The following RBL1 variants were observed in gnomAD, a reference collection of about 807,000 sequenced individuals.
The protein encoded by RBL1 is RB transcriptional corepressor like 1.
A neutral mutation model predicts 123.0 loss-of-function variants in RBL1; 82 were observed. The ratio of observed to expected loss-of-function variants is 0.67; its 90% confidence interval spans 0.56 to 0.80. The LOEUF (loss-of-function observed/expected upper bound fraction) is 0.80, where lower values mean the gene tolerates loss of function less well. Ranked by LOEUF, RBL1 falls within the 30% of genes least tolerant of loss-of-function variation. The pLI is 0.00. For synonymous variants in RBL1, 405 were observed against 441.3 expected (o/e 0.92, Z 1.03); for missense variants, 1,171 against 1,299.6 (o/e 0.90, Z 1.52).
chr20:37,020,849 C>T, intron 17 of RBL1, 119 bp from the exon 18 acceptor site: 1 of 634,376 alleles, frequency 1.6e-6, no homozygotes, highest in Non-Finnish European at 2.7e-6. Context: ...TAACCCCAGG[C>T]CAGTCCATGA....
At chr20:37,087,373 C>T (rs1216767304) in intron 2 of RBL1, among the ~76,000 whole-genome samples, 2 of 149,150 alleles carry the variant, frequency 1.3e-5, no homozygotes, top group African/African-American at 4.9e-5. Context: ...CACTTAAGGT[C>T]AGGACTTTGA....
intron 18 of RBL1, 133 bp downstream of exon 18, chr20:37,020,526 A>G: frequency 1.5e-6 from 1 of 660,632 alleles, no homozygotes; most frequent in Non-Finnish European, 2.5e-6. Flanking sequence ...TTATCTCTTG[A>G]GTTTAATGTT....
At chr20:37,033,427 C>G (rs1031711440) in intron 15 of RBL1, among the ~76,000 whole-genome samples, 1 of 151,808 alleles carries the variant, frequency 6.6e-6, no homozygotes, top group Non-Finnish European at 1.5e-5. Flanking sequence ...TCATGATCTG[C>G]CCTCCTCGGC....
intron 1 of RBL1, among the ~76,000 whole-genome samples, chr20:37,090,608 T>A (rs901858818): frequency 1.3e-5 from 2 of 152,178 alleles, no homozygotes; most frequent in African/African-American, 4.8e-5. Flanking sequence ...CCAAAACATG[T>A]CATCTTTAAA....
chr20:36,996,423 T>C lies in RBL1; in HGVS notation c.*2336A>G, dbSNP rs2063890446. 6.6e-6 allele frequency: 1 copy of C among 152,162 alleles called. No homozygotes were observed. Among genetic ancestry groups the C allele is most frequent in the Non-Finnish European group, 1.5e-5 (1 of 68,012 alleles). The allele number at this position is 152,162 out of a possible 1,614,324, so 9.4% of individuals were successfully genotyped here. On this transcript the variant is annotated 3_prime_UTR_variant, in exon 22 of 22. Coordinates refer to ENST00000373664, the MANE Select transcript of RBL1 (RefSeq NM_002895.5). ...ATTGATACCAAGTCCTGAAAACTGA[T>C]AAAAACATGTCCAGAATTTCTTTTT...
At chr20:37,012,997 C>T (rs531434114) in intron 19 of RBL1, among the ~76,000 whole-genome samples, 15 of 151,958 alleles carry the variant, frequency 9.9e-5, no homozygotes, top group East Asian at 9.8e-4. Context: ...CCAGTCACCC[C>T]GTTGGGGAGG....
chr20:37,045,466 A>G (rs2064806102), intron 12 of RBL1, among the ~76,000 whole-genome samples: 1 of 152,054 alleles, frequency 6.6e-6, no homozygotes, highest in South Asian at 2.1e-4. Flanking sequence ...TTAAAAAAAC[A>G]AAGGAGGCCG....
intron 21 of RBL1, among the ~76,000 whole-genome samples, chr20:37,000,910 C>T (rs2063965017): frequency 6.9e-6 from 1 of 144,534 alleles, no homozygotes. Flanking sequence ...GGGGTCAGCC[C>T]CCCGCCCGGC....
chr20:37,063,335 G>A (rs1006969143), intron 7 of RBL1, among the ~76,000 whole-genome samples: 5 of 151,914 alleles, frequency 3.3e-5, no homozygotes, highest in African/African-American at 1.2e-4. Flanking sequence ...GTCACTTCGA[G>A]CTTGGCTGAG....
intron 15 of RBL1, among the ~76,000 whole-genome samples, 190 bp downstream of exon 15, chr20:37,035,052 T>C (rs574211792): frequency 5.9e-5 from 9 of 152,124 alleles, no homozygotes; most frequent in South Asian, 2.1e-4. Context: ...CTATGAGAAA[T>C]GTCTGTACCT....
At chr20:37,090,575 AG>A (rs1200754584) in intron 1 of RBL1, among the ~76,000 whole-genome samples, 1 of 152,234 alleles carries the variant, frequency 6.6e-6, no homozygotes, top group Non-Finnish European at 1.5e-5. Context: ...CATTTTTGTA[AG>A]GTAAACATTT....
intron 19 of RBL1, among the ~76,000 whole-genome samples, chr20:37,012,881 C>T (rs1291695181): frequency 6.7e-6 from 1 of 150,218 alleles, no homozygotes; most frequent in Non-Finnish European, 1.5e-5. Flanking sequence ...AGGAGCCCCT[C>T]TGCCCGGCCA....
rs1383014878 is a variant in RBL1, at chr20:37,067,315, T to A, written c.492-18A>T. Reference sequence around the variant, plus strand: ...GAATCCTCCTAAAAAGGGAAAAAAATTACTTTTTGTCTGACTAGCTCGCTA... The same window carrying A: ...GAATCCTCCTAAAAAGGGAAAAAAAATACTTTTTGTCTGACTAGCTCGCTA... On this transcript the variant is annotated intron_variant, in intron 3 of 21. Coordinates refer to ENST00000373664, the MANE Select transcript of RBL1 (RefSeq NM_002895.5). 6.4e-7 allele frequency: 1 copy of A among 1,569,056 alleles called. No homozygotes were observed. The highest frequency in any genetic ancestry group is 8.6e-7 in the Non-Finnish European group (1 of 1,156,554).
At chr20:37,077,395 CT>C (rs2065382278) in intron 2 of RBL1, among the ~76,000 whole-genome samples, 1 of 152,090 alleles carries the variant, frequency 6.6e-6, no homozygotes, top group African/African-American at 2.4e-5. Context: ...GATTGGTGGA[CT>C]TTTAGTAAAG....
chr20:37,010,440 G>A (rs117349979), intron 19 of RBL1, among the ~76,000 whole-genome samples: 1 of 152,098 alleles, frequency 6.6e-6, no homozygotes, highest in Non-Finnish European at 1.5e-5. Flanking sequence ...ATAATGATGG[G>A]TTATCTTCTC....
intron 16 of RBL1, among the ~76,000 whole-genome samples, chr20:37,024,334 G>C (rs912494883): frequency 6.6e-6 from 1 of 152,126 alleles, no homozygotes; most frequent in Admixed American, 6.6e-5. Flanking sequence ...TAAGAGCAGA[G>C]AGAAAGATGC....
At chr20:37,015,728 G>A (rs1187710871) in intron 19 of RBL1, among the ~76,000 whole-genome samples, 4 of 148,952 alleles carry the variant, frequency 2.7e-5, no homozygotes, top group Admixed American at 2.7e-4. Flanking sequence ...CCGCACCCGG[G>A]CTTGTTTGTT....
chr20:37,061,869 C>CATTTTATTGGGAAAATGATATAA (rs1364755462), intron 8 of RBL1, among the ~76,000 whole-genome samples: 2 of 152,194 alleles, frequency 1.3e-5, no homozygotes, highest in East Asian at 3.8e-4. Flanking sequence ...TAAACCCAGT[C>CATTTTATTGGGAAAATGATATAA]ATGCTGGGAA....
At chr20:37,065,854 T>C (rs1166463075) in intron 6 of RBL1, among the ~76,000 whole-genome samples, 2 of 152,162 alleles carry the variant, frequency 1.3e-5, no homozygotes, top group African/African-American at 4.8e-5. Context: ...GCTCAAGCAA[T>C]CCACCTGCCT....
Sources: gnomAD v4.1 joint callset for allele counts (sites outside exome capture counted in the v4.1 genomes callset) on GRCh38, gnomAD v4.1.1 for gene constraint, MANE v1.5 for transcripts, NCBI Gene and HGNC (gene_info 2026-07-23, HGNC 2026-07-21) for gene names.